Variants in NCSTN observed in about 807,000 individuals in gnomAD.
The protein encoded by NCSTN is anterior pharynx-defective 2.
In NCSTN, 22 loss-of-function variants were observed where a neutral mutation model predicts 87.0. The observed-to-expected ratio is 0.25, with a 90% CI of 0.18 to 0.36. The LOEUF is 0.36. NCSTN is among the 10% of genes least tolerant of loss of function. The pLI, the probability that NCSTN is intolerant of heterozygous loss-of-function variation, is 1.00. For missense variants in NCSTN, 693 were observed against 883.3 expected, an observed-to-expected ratio of 0.78 and a Z score of 2.73; for synonymous variants, 306 against 327.1, an observed-to-expected ratio of 0.94 and a Z score of 0.69.
chr1:160,357,685 C>T (rs1226927661), intron 16 of NCSTN, among the ~76,000 whole-genome samples: 3 of 152,204 alleles, frequency 2.0e-5, no homozygotes, highest in Non-Finnish European at 2.9e-5. Flanking sequence ...GGATTATAGG[C>T]GTGAGCCACT....
At chr1:160,349,391 A>C in intron 3 of NCSTN, 158 bp from the exon 4 acceptor site, 1 of 1,126,046 alleles carries the variant, frequency 8.9e-7, no homozygotes, top group Admixed American at 1.7e-5. Flanking sequence ...TTTTTAGAGC[A>C]GATCATTGTC....
rs1237630488 is a variant in NCSTN, at chr1:160,343,469, G to A, written c.73G>A (p.Val25Ile). The A allele has an allele frequency of 5.6e-6, 9 of 1,609,930 alleles. No homozygotes were observed. The highest frequency in any genetic ancestry group is 7.6e-6 in the Non-Finnish European group (9 of 1,178,682). The change falls in exon 1 of 17, where the codon GTC (valine) becomes ATC (isoleucine). Residue 25 changes from valine to isoleucine, a missense_variant. Transcript: ENST00000294785. ...TCTCCTTCGCCTTCTGTCTTTCTGCGTCCTACTAGCAGGTGAGGCCTCCCC... is the reference window on the plus strand; with the variant it reads ...TCTCCTTCGCCTTCTGTCTTTCTGCATCCTACTAGCAGGTGAGGCCTCCCC... ...RGLLRLLSFC[V>I]LLAGLCRGNS...
At chr1:160,356,034 C>G (rs543342525) in intron 13 of NCSTN, 76 bp downstream of exon 13, 93 of 1,384,296 alleles carry the variant, frequency 6.7e-5, no homozygotes, top group Non-Finnish European at 9.4e-5. Context: ...CCTAGTGTCC[C>G]AAACCTTGGA....
In NCSTN at chr1:160,354,221, A is replaced by G. The variant is rs1458872564; in HGVS notation, c.1283A>G (p.Gln428Arg). Reference protein sequence around the residue: ...QSQPLPPSSLQRFLRARNISG... With the variant: ...QSQPLPPSSLRRFLRARNISG... Reference sequence around the variant, plus strand: ...CAGCCTCTCCCACCATCTTCCCTGCAGCGATTTCTTCGAGCTCGAAACATC... The same window carrying G: ...CAGCCTCTCCCACCATCTTCCCTGCGGCGATTTCTTCGAGCTCGAAACATC... Residue 428 changes from glutamine (Q) to arginine (R), a missense_variant, in exon 11 of 17, where the codon CAG becomes CGG. This residue lies in a region of NCSTN where 108 missense variants were observed against 111.6 expected (regional missense o/e 0.97). Transcript: ENST00000294785. 1 of 1,614,084 alleles carries G rather than the reference A, an allele frequency of 6.2e-7. No homozygotes were observed. Among genetic ancestry groups the G allele is most frequent in the African/African-American group, 1.3e-5 (1 of 74,926 alleles).
At chr1:160,344,270 C>T (rs1224289143) in intron 1 of NCSTN, among the ~76,000 whole-genome samples, 1 of 152,068 alleles carries the variant, frequency 6.6e-6, no homozygotes, top group African/African-American at 2.4e-5. Flanking sequence ...ATTAACTGAC[C>T]CGTGTATGTC....
At chr1:160,347,112 C>T (rs1007629518) in intron 2 of NCSTN, among the ~76,000 whole-genome samples, 5 of 152,200 alleles carry the variant, frequency 3.3e-5, no homozygotes, top group Non-Finnish European at 5.9e-5. Context: ...GGAAGCAAAG[C>T]CTCTAGAGGT....
At chr1:160,346,265 G>T (rs190009424) in intron 2 of NCSTN, among the ~76,000 whole-genome samples, 32 of 152,278 alleles carry the variant, frequency 2.1e-4, no homozygotes, top group African/African-American at 6.7e-4. Context: ...TCATCAAATT[G>T]ATCACCTCTG....
At position 160,353,080 on chromosome 1, in the gene NCSTN, C is replaced by T. The variant is rs1648953352; in HGVS notation, c.1102-80C>T. 6 of 1,578,030 alleles carry T rather than the reference C, an allele frequency of 3.8e-6. No individual in the cohort carries two copies. The South Asian group carries it at 4.4e-5, about 12-fold the overall frequency. ...GTCTTAACTGCAGGAACCACCGCCT[C>T]TTCCCTTGACTTCTATCCCCTAGGC... On this transcript the variant is annotated intron_variant, in intron 9 of 16. Transcript: ENST00000294785.
intron 2 of NCSTN, among the ~76,000 whole-genome samples, chr1:160,346,192 G>A (rs548425514): frequency 1.3e-5 from 2 of 152,146 alleles, no homozygotes; most frequent in African/African-American, 4.8e-5. Flanking sequence ...ATGGACAATA[G>A]CTCTGTCAGA....
At chr1:160,352,374 A>C (rs1407005261) in intron 8 of NCSTN, among the ~76,000 whole-genome samples, 168 bp downstream of exon 8, 1 of 152,208 alleles carries the variant, frequency 6.6e-6, no homozygotes, top group Non-Finnish European at 1.5e-5. Flanking sequence ...CCATTTTAGG[A>C]AGCTTAGATT....
chr1:160,356,901 G>A, intron 15 of NCSTN, 140 bp from the exon 16 acceptor site: 1 of 1,382,850 alleles, frequency 7.2e-7, no homozygotes, highest in Non-Finnish European at 1.0e-6. Flanking sequence ...AAAAGCCTGG[G>A]TGAAAATGGA....
chr1:160,350,080 C>A, intron 4 of NCSTN, 25 bp from the exon 5 acceptor site: 1 of 1,613,168 alleles, frequency 6.2e-7, no homozygotes, highest in South Asian at 1.1e-5. Flanking sequence ...TAACCAGTCC[C>A]CCTATTCCCC....
At chr1:160,347,950 C>G (rs1249822615) in intron 2 of NCSTN, among the ~76,000 whole-genome samples, 1 of 152,230 alleles carries the variant, frequency 6.6e-6, no homozygotes, top group Non-Finnish European at 1.5e-5. Flanking sequence ...ACTATCTGTT[C>G]CTTTTCCCAT....
rs201970922 is a variant in NCSTN at position 160,357,237 on chromosome 1, C to G, written c.1991C>G (p.Ala664Gly). ...ATCCGTGCCCGGATATTTCTCATCG[C>G]CAGCAAAGAGCTTGAGGTGAGATGG... ...KDIRARIFLI[A>G]SKELELITLT... is the part of the protein sequence containing the mutation. Residue 664 changes from alanine (A) to glycine (G), a missense_variant, in exon 16 of 17, where the codon GCC becomes GGC. Ala to Gly is a moderately conservative substitution (Grantham distance 60). Around this residue, in one of 4 missense-constraint regions of NCSTN, gnomAD observed 216 missense variants for 311.7 expected, o/e 0.69. Transcript: ENST00000294785. The G allele has an allele frequency of 3.4e-5, 55 of 1,613,500 alleles. No individual in the cohort carries two copies. In the Admixed American group the frequency reaches 8.7e-4, roughly 25 times the overall value.
In NCSTN at chr1:160,354,305, G is replaced by T; in HGVS notation, c.1352+15G>T. The T allele has an allele frequency of 6.2e-7, 1 of 1,613,492 alleles. No homozygotes were observed. Among genetic ancestry groups the T allele is most frequent in the Non-Finnish European group, 8.5e-7 (1 of 1,179,508 alleles). ...TTCCATAACAAGTAAGAATCACTTGGCCCTGCACCCTCTTCATTCTTGAAG... is the reference window on the plus strand; with the variant it reads ...TTCCATAACAAGTAAGAATCACTTGTCCCTGCACCCTCTTCATTCTTGAAG... On this transcript the variant is annotated intron_variant, in intron 11 of 16. Transcript: ENST00000294785.
At chr1:160,348,387 A>G (rs1253911032) in intron 2 of NCSTN, among the ~76,000 whole-genome samples, 1 of 152,190 alleles carries the variant, frequency 6.6e-6, no homozygotes, top group Non-Finnish European at 1.5e-5. Flanking sequence ...GCTGGAGGTG[A>G]CTTTGGAAAC....
chr1:160,354,743 T>C (rs1214893400), intron 11 of NCSTN, among the ~76,000 whole-genome samples: 1 of 152,192 alleles, frequency 6.6e-6, no homozygotes, highest in Non-Finnish European at 1.5e-5. Flanking sequence ...TAGATGGCCA[T>C]GGTTCAGTGC....
chr1:160,356,171 CTG>C (rs1649120419), intron 13 of NCSTN, 87 bp from the exon 14 acceptor site: 1 of 1,249,290 alleles, frequency 8.0e-7, no homozygotes, highest in South Asian at 1.2e-5. Flanking sequence ...AGTCTGGTTC[CTG>C]CCCCATGACT....
intron 10 of NCSTN, 148 bp downstream of exon 10, chr1:160,353,385 AGCTGTTGTTGCT>A: frequency 6.5e-7 from 1 of 1,532,542 alleles, no homozygotes; most frequent in East Asian, 2.4e-5. Context: ...TGAACACCAC[AGCTGTTGTTGCT>A]GCTGGGAAGA....
Sources: allele counts gnomAD v4.1 joint callset (sites outside exome capture counted in the v4.1 genomes callset), GRCh38; gene constraint gnomAD v4.1.1; regional missense constraint gnomAD v4.1.1; transcripts MANE v1.5; gene names NCBI Gene and HGNC (gene_info 2026-07-23, HGNC 2026-07-21).